DGKI: variants seen among roughly 807,000 people sequenced by gnomAD.
DGKI encodes the protein diacylglycerol kinase iota.
Under a neutral mutation model 147.5 loss-of-function variants are expected in DGKI, and 55 were observed. The observed-to-expected ratio is 0.37, with a 90% confidence interval of 0.30 to 0.47. The LOEUF is 0.47. Ranked by LOEUF, DGKI falls within the 20% of genes least tolerant of loss-of-function variation. The pLI is 1.00. For synonymous variants in DGKI, 469 were observed against 477.1 expected, an observed-to-expected ratio of 0.98 and a Z score of 0.22; for missense variants, 1,007 against 1,323.8, an observed-to-expected ratio of 0.76 and a Z score of 3.71.
At chr7:137,429,390 A>G (rs1273621653) in intron 28 of DGKI, among the ~76,000 whole-genome samples, 1 of 152,170 alleles carries the variant, frequency 6.6e-6, no homozygotes, top group East Asian at 1.9e-4. Flanking sequence ...TACACCTTAT[A>G]CAAAAATTAA....
In DGKI at chr7:137,659,343, C is replaced by G. The variant is rs547211354; in HGVS notation, c.607-2803G>C. 5.3e-5 allele frequency among the ~76,000 whole-genome samples: 8 copies of G among 152,216 alleles called. No individual in the cohort carries two copies. The South Asian group carries it at 1.2e-3, about 24-fold the overall frequency. ...ATTGAGGGAAACTGTTTTAGCAAAT[C>G]GGAAATTTTAATCACTGACTTCACG... On this transcript the variant is annotated intron_variant, in intron 3 of 32. Transcript: ENST00000614521.
intron 21 of DGKI, among the ~76,000 whole-genome samples, chr7:137,489,410 T>TA (rs1258963477): frequency 6.6e-6 from 1 of 152,146 alleles, no homozygotes; most frequent in African/African-American, 2.4e-5. Context: ...ATAATCATTC[T>TA]AAAAGAATAT....
intron 23 of DGKI, among the ~76,000 whole-genome samples, chr7:137,478,883 G>A (rs1211976077): frequency 1.3e-5 from 2 of 152,186 alleles, no homozygotes; most frequent in Non-Finnish European, 2.9e-5. Flanking sequence ...TAAATGTACA[G>A]TGACCTATTT....
chr7:137,465,031 T>C lies in DGKI; in HGVS notation c.2612+877A>G, dbSNP rs576264846. 3.3e-4 allele frequency among the ~76,000 whole-genome samples: 50 copies of C among 152,324 alleles called. 1 individual carries two copies. The highest frequency in any genetic ancestry group is 1.2e-3 in the African/African-American group (49 of 41,580). ...CACAAAATTCTCTAAATAAATAGTTTTTAATTATTGAAATAACTTAGAAAT... is the reference window on the plus strand; with the variant it reads ...CACAAAATTCTCTAAATAAATAGTTCTTAATTATTGAAATAACTTAGAAAT... On this transcript the variant is annotated intron_variant, in intron 26 of 32. Transcript: ENST00000614521.
Position 137,533,753 on chromosome 7 carries a change from C to T in DGKI, c.2148-11787G>A, listed in dbSNP as rs148438098. On this transcript the variant is annotated intron_variant, in intron 20 of 32. Transcript: ENST00000614521. ...ATATTATAAGACTGAAAGGCTTTGG[C>T]CTTTTCCTTCCATTTGTGATTCTTC... Among the ~76,000 whole-genome samples, 174 of 151,930 alleles carry T rather than the reference C, an allele frequency of 1.1e-3. 1 individual carries two copies. The highest frequency in any genetic ancestry group is 0.01 in the Admixed American group (154 of 15,260).
intron 12 of DGKI, among the ~76,000 whole-genome samples, chr7:137,591,415 C>T (rs575649109): frequency 6.6e-6 from 1 of 152,274 alleles, no homozygotes; most frequent in African/African-American, 2.4e-5. Flanking sequence ...CCACAGACAA[C>T]CAATATTAGG....
intron 1 of DGKI, among the ~76,000 whole-genome samples, chr7:137,843,943 C>T (rs779755118): frequency 3.8e-4 from 58 of 152,176 alleles, no homozygotes; most frequent in Non-Finnish European, 7.1e-4. Context: ...ATGCTCCATA[C>T]CCTAACTCAG....
chr7:137,510,787 C>T (rs577819185), intron 21 of DGKI, among the ~76,000 whole-genome samples: 2 of 152,270 alleles, frequency 1.3e-5, no homozygotes, highest in Non-Finnish European at 2.9e-5. Flanking sequence ...GAATTCATGA[C>T]AGAAAAATTT....
chr7:137,602,242 C>G (rs1332637657), intron 10 of DGKI, among the ~76,000 whole-genome samples: 4 of 152,144 alleles, frequency 2.6e-5, no homozygotes, highest in Non-Finnish European at 5.9e-5. Context: ...TAGTAGAGTG[C>G]ACAGCTCAGC....
chr7:137,609,442 T>A, intron 9 of DGKI, 93 bp downstream of exon 9: 1 of 895,442 alleles, frequency 1.1e-6, no homozygotes, highest in Non-Finnish European at 1.8e-6. Context: ...AGAAGATAGA[T>A]CAGAAAAATC....
chr7:137,782,831 T>C (rs542689561), intron 1 of DGKI, among the ~76,000 whole-genome samples: 1 of 152,246 alleles, frequency 6.6e-6, no homozygotes, highest in South Asian at 2.1e-4. Flanking sequence ...TTGCAGACAC[T>C]CTCCAGTACC....
intron 6 of DGKI, among the ~76,000 whole-genome samples, chr7:137,630,264 TATGTCCATA>T: frequency 6.6e-6 from 1 of 152,298 alleles, no homozygotes; most frequent in East Asian, 1.9e-4. Context: ...ATCAAGGATT[TATGTCCATA>T]GATTGACATT....
At chr7:137,733,518 C>A (rs1433207522) in intron 1 of DGKI, among the ~76,000 whole-genome samples, 6 of 152,014 alleles carry the variant, frequency 3.9e-5, no homozygotes, top group African/African-American at 1.4e-4. Context: ...TTATTTCCAC[C>A]TTTGGCTTAG....
intron 11 of DGKI, 68 bp from the exon 12 acceptor site, chr7:137,597,975 A>G: frequency 1.4e-6 from 2 of 1,434,134 alleles, no homozygotes; most frequent in Non-Finnish European, 1.9e-6. Flanking sequence ...GAGAAAGCAG[A>G]GGACAACATG....
chr7:137,809,530 T>C (rs1203107775), intron 1 of DGKI, among the ~76,000 whole-genome samples: 2 of 152,122 alleles, frequency 1.3e-5, no homozygotes, highest in Non-Finnish European at 2.9e-5. Flanking sequence ...CACTTTATCA[T>C]AAAATAGACA....
At chr7:137,397,275 T>G (rs976057694) in intron 31 of DGKI, 102 bp downstream of exon 31, 2 of 1,130,198 alleles carry the variant, frequency 1.8e-6, no homozygotes, top group Non-Finnish European at 2.5e-6. Context: ...TTTGAATTAA[T>G]TAAGTTAAAA....
At chr7:137,705,885 C>A (rs924828047) in intron 1 of DGKI, among the ~76,000 whole-genome samples, 11 of 151,874 alleles carry the variant, frequency 7.2e-5, no homozygotes, top group Non-Finnish European at 1.6e-4. Context: ...AAAGATATAA[C>A]CCTGAGAGAG....
At chr7:137,790,658 G>A (rs4728421) in intron 1 of DGKI, among the ~76,000 whole-genome samples, 81,406 of 152,110 alleles carry the variant, frequency 0.54, 23,854 homozygotes, top group African/African-American at 0.79. Flanking sequence ...ACGTGGATGC[G>A]GCTGGTGAAA....
intron 10 of DGKI, among the ~76,000 whole-genome samples, chr7:137,605,788 G>T (rs1820164265): frequency 6.6e-6 from 1 of 152,168 alleles, no homozygotes; most frequent in African/African-American, 2.4e-5. Flanking sequence ...AGAGTAGAAT[G>T]ATAGTTACCA....
Sources: allele counts gnomAD v4.1 joint callset (sites outside exome capture counted in the v4.1 genomes callset), GRCh38; gene constraint gnomAD v4.1.1; transcripts MANE v1.5; gene names NCBI Gene and HGNC (gene_info 2026-07-23, HGNC 2026-07-21).